KIAA1217: variants seen among roughly 807,000 people sequenced by gnomAD.
KIAA1217 encodes the protein KIAA1217.
KIAA1217 carries 88 observed loss-of-function variants against 163.9 expected under a neutral mutation model. That is an observed-to-expected ratio of 0.54 (90% CI 0.45 to 0.64). The LOEUF is 0.64. Among genes scored for constraint, KIAA1217 ranks in the 30% least tolerant of loss-of-function variants. The pLI, the probability that KIAA1217 is intolerant of heterozygous loss-of-function variation, is 0.00. For missense variants in KIAA1217, 2,372 were observed against 2,475.0 expected (o/e 0.96, Z 0.88); for synonymous variants, 903 against 923.1 (o/e 0.98, Z 0.39).
chr10:23,722,640 G>A (rs1185049591), intron 1 of KIAA1217, among the ~76,000 whole-genome samples: 3 of 152,104 alleles, frequency 2.0e-5, no homozygotes, highest in East Asian at 3.9e-4. Context: ...ACAAAAATGC[G>A]ATATAATATG....
intron 6 of KIAA1217, among the ~76,000 whole-genome samples, chr10:24,476,800 C>G (rs1311522909): frequency 6.6e-6 from 1 of 151,922 alleles, no homozygotes; most frequent in Non-Finnish European, 1.5e-5. Context: ...TCCTAGAGAC[C>G]TGCACATAGA....
chr10:23,948,091 T>A (rs1844143848), intron 1 of KIAA1217, among the ~76,000 whole-genome samples: 1 of 152,170 alleles, frequency 6.6e-6, no homozygotes, highest in African/African-American at 2.4e-5. Context: ...CGTGAGGTTG[T>A]TTGGACTGAG....
At chr10:24,424,207 G>A (rs893468492) in intron 3 of KIAA1217, among the ~76,000 whole-genome samples, 5 of 152,100 alleles carry the variant, frequency 3.3e-5, no homozygotes, top group African/African-American at 7.2e-5. Flanking sequence ...ACTTAACAGC[G>A]GGAGAGTTCT....
chr10:24,118,941 T>C (rs1462705272), intron 2 of KIAA1217, among the ~76,000 whole-genome samples: 2 of 152,086 alleles, frequency 1.3e-5, no homozygotes, highest in African/African-American at 4.8e-5. Context: ...TTGTCTTTGT[T>C]TTTTTTTCTC....
Position 24,457,497 on chromosome 10 carries a change from C to T in KIAA1217, c.847-15731C>T, listed in dbSNP as rs571845879. On this transcript the variant is annotated intron_variant, in intron 5 of 20. Transcript: ENST00000376454. ...CACTGCAGCCTTGAACTCCTGGGCT[C>T]AAGCCATCCTTCACCTCGGCCTTCA... Among the ~76,000 whole-genome samples the T allele has an allele frequency of 2.6e-5, 4 of 152,214 alleles. No individual in the cohort carries two copies. In the East Asian group the frequency reaches 7.7e-4, roughly 29 times the overall value.
intron 2 of KIAA1217, among the ~76,000 whole-genome samples, chr10:24,270,713 G>C (rs537231497): frequency 6.6e-6 from 1 of 152,052 alleles, no homozygotes; most frequent in South Asian, 2.1e-4. Flanking sequence ...GCTAATTTTT[G>C]TTTTATTTTT....
At chr10:24,397,290 A>G (rs1019567723) in intron 3 of KIAA1217, among the ~76,000 whole-genome samples, 1 of 151,804 alleles carries the variant, frequency 6.6e-6, no homozygotes, top group African/African-American at 2.4e-5. Context: ...GGATTTCACT[A>G]TGTTGGCCAG....
chr10:24,434,928 A>G (rs887558281), intron 4 of KIAA1217, among the ~76,000 whole-genome samples: 2 of 152,152 alleles, frequency 1.3e-5, no homozygotes, highest in Admixed American at 6.5e-5. Flanking sequence ...CTTCTTGGTC[A>G]AGAACTTTTT....
intron 3 of KIAA1217, among the ~76,000 whole-genome samples, chr10:24,398,605 T>C (rs1477831577): frequency 1.3e-5 from 2 of 152,140 alleles, no homozygotes; most frequent in East Asian, 1.9e-4. Context: ...AGCAGGCACC[T>C]TGGAGCTCAA....
chr10:23,938,669 T>TAA (rs35194310), intron 1 of KIAA1217, among the ~76,000 whole-genome samples: 2 of 146,274 alleles, frequency 1.4e-5, no homozygotes, highest in Admixed American at 6.8e-5. Context: ...TGATTTAGAG[T>TAA]AAAAAAAAAA....
At chr10:23,704,345 G>A (rs1425256319) in intron 1 of KIAA1217, among the ~76,000 whole-genome samples, 2 of 150,014 alleles carry the variant, frequency 1.3e-5, no homozygotes, top group African/African-American at 2.5e-5. Context: ...GAGTATAGTT[G>A]CATTTTTAAA....
In KIAA1217 at chr10:24,533,059, A is replaced by G. The variant is rs2073364927; in HGVS notation, c.3247-11A>G. 3 of 1,600,046 alleles carry G rather than the reference A, an allele frequency of 1.9e-6. No homozygotes were observed. The highest frequency in any genetic ancestry group is 2.2e-5 in the South Asian group (2 of 89,350). ...TGTTAAACCACTATCTGTTGTTTCA[A>G]TCTCCCACAGGCAAGCAGTGAAGAT... On this transcript the variant is annotated splice_polypyrimidine_tract_variant and intron_variant, in intron 15 of 20. Coordinates refer to ENST00000376454, the MANE Select transcript of KIAA1217 (RefSeq NM_019590.5).
At chr10:24,436,408 T>C (rs1306606086) in intron 4 of KIAA1217, among the ~76,000 whole-genome samples, 1 of 151,706 alleles carries the variant, frequency 6.6e-6, no homozygotes, top group African/African-American at 2.4e-5. Flanking sequence ...TTAAATGCCT[T>C]GATTATATTT....
At chr10:23,939,627 G>A (rs1843671668) in intron 1 of KIAA1217, among the ~76,000 whole-genome samples, 1 of 151,850 alleles carries the variant, frequency 6.6e-6, no homozygotes, top group Admixed American at 6.6e-5. Context: ...CCTAATAACA[G>A]AGCTTCAAAA....
At chr10:23,840,653 C>T (rs1838727150) in intron 1 of KIAA1217, among the ~76,000 whole-genome samples, 1 of 152,166 alleles carries the variant, frequency 6.6e-6, no homozygotes, top group Admixed American at 6.5e-5. Flanking sequence ...GATTGAATTT[C>T]TACGAATGAA....
chr10:24,466,737 A>G (rs938207814), intron 5 of KIAA1217: 10 of 985,332 alleles, frequency 1.0e-5, no homozygotes, highest in Non-Finnish European at 1.1e-5. Context: ...TCAGGACCTG[A>G]GCGAATGTGC....
At chr10:23,794,453 A>G (rs1047644780) in intron 1 of KIAA1217, among the ~76,000 whole-genome samples, 1 of 152,224 alleles carries the variant, frequency 6.6e-6, no homozygotes, top group Non-Finnish European at 1.5e-5. Context: ...AAAGAATGAC[A>G]CGTTTTTCCC....
chr10:24,118,859 C>G (rs1589566731), intron 2 of KIAA1217, among the ~76,000 whole-genome samples: 1 of 152,020 alleles, frequency 6.6e-6, no homozygotes, highest in East Asian at 1.9e-4. Flanking sequence ...CTAGATCAGT[C>G]TTTCTTTTTG....
intron 3 of KIAA1217, among the ~76,000 whole-genome samples, chr10:24,393,739 G>A (rs2055320544): frequency 1.3e-5 from 2 of 152,212 alleles, no homozygotes; most frequent in African/African-American, 4.8e-5. Flanking sequence ...ACAGAGAGAA[G>A]ACCATGTGAA....
Sources: allele counts gnomAD v4.1 joint callset (sites outside exome capture counted in the v4.1 genomes callset), GRCh38; gene constraint gnomAD v4.1.1; transcripts MANE v1.5; gene names NCBI Gene and HGNC (gene_info 2026-07-23, HGNC 2026-07-21).